NT5C3B: variants seen among roughly 807,000 people sequenced by gnomAD.
The protein encoded by NT5C3B is 7-methylguanosine phosphate-specific 5'-nucleotidase.
Under a neutral mutation model 32.5 loss-of-function variants are expected in NT5C3B, and 28 were observed. That is an observed-to-expected ratio of 0.86 (90% confidence interval 0.64 to 1.18). NT5C3B has a LOEUF of 1.18. NT5C3B is among the 50% of genes most tolerant of loss of function. The pLI is 0.00. For missense variants in NT5C3B, 317 were observed against 322.0 expected (o/e 0.98, Z 0.12); for synonymous variants, 138 against 118.0 (o/e 1.17, Z -1.10).
At position 41,830,809 on chromosome 17, in the gene NT5C3B, T is replaced by G; in HGVS notation, c.396A>C (p.Ala132=). ...CAGAGCAAGACGCTTACCTGAGCAT[T>G]GCATTGGACTCTCTAACCACCTGGG... ...QIAQVVRESN[A]MLREGYKTFF... Residue 132 remains alanine (A), a synonymous_variant, in exon 6 of 9, where the codon GCA becomes GCC. Coordinates refer to ENST00000435506, the MANE Select transcript of NT5C3B (RefSeq NM_052935.5). 3.8e-6 allele frequency: 6 copies of G among 1,599,548 alleles called. No individual in the cohort carries two copies. Among genetic ancestry groups the G allele is most frequent in the Non-Finnish European group, 5.1e-6 (6 of 1,166,840 alleles).
intron 3 of NT5C3B, 22 bp downstream of exon 3, chr17:41,835,181 G>C: frequency 6.2e-7 from 1 of 1,613,688 alleles, no homozygotes. Context: ...AGCTCAACAA[G>C]GGAAGCTAGA....
intron 7 of NT5C3B, among the ~76,000 whole-genome samples, chr17:41,827,910 T>C (rs7215297): frequency 0.76 from 116,173 of 152,194 alleles, 44,610 homozygotes; most frequent in Admixed American, 0.84. Flanking sequence ...CCACAGCCCA[T>C]AAAGCCTAAA....
chr17:41,829,794 G>C (rs1260698192), intron 6 of NT5C3B, among the ~76,000 whole-genome samples: 1 of 152,116 alleles, frequency 6.6e-6, no homozygotes, highest in Non-Finnish European at 1.5e-5. Context: ...CCCTGTGCAT[G>C]TCTTATAGTG....
intron 6 of NT5C3B, among the ~76,000 whole-genome samples, chr17:41,829,638 G>T (rs2048020579): frequency 6.6e-6 from 1 of 152,120 alleles, no homozygotes; most frequent in Admixed American, 6.5e-5. Context: ...TCTATATTTT[G>T]CATGTAATGA....
At chr17:41,832,634 G>GAGGC in intron 4 of NT5C3B, 157 bp from the exon 5 acceptor site, 2 of 500,354 alleles carry the variant, frequency 4.0e-6, no homozygotes, top group East Asian at 7.4e-5. Flanking sequence ...TTAGGAGGCT[G>GAGGC]AGGCAGGTGG....
intron 8 of NT5C3B, 44 bp downstream of exon 8, chr17:41,827,382 G>C: frequency 1.2e-6 from 1 of 834,166 alleles, no homozygotes; most frequent in Non-Finnish European, 2.1e-6. Context: ...GGCATTCAAA[G>C]AGAAGAAAGA....
chr17:41,833,318 A>G (rs1555619302), intron 4 of NT5C3B, among the ~76,000 whole-genome samples: 2 of 150,776 alleles, frequency 1.3e-5, no homozygotes, highest in Middle Eastern at 3.2e-3. Context: ...ATTTTCATGT[A>G]CAATTTTTTT....
intron 8 of NT5C3B, among the ~76,000 whole-genome samples, chr17:41,826,211 A>ATTTCTTTCTTTC (rs58327354): frequency 6.0e-5 from 9 of 150,464 alleles, no homozygotes; most frequent in African/African-American, 2.2e-4. Flanking sequence ...TCTGGACTGA[A>ATTTCTTTCTTTC]TTTCTTTCTT....
intron 8 of NT5C3B, 141 bp from the exon 9 acceptor site, chr17:41,825,798 G>A (rs544380540): frequency 4.0e-6 from 3 of 749,228 alleles, no homozygotes; most frequent in African/African-American, 3.4e-5. Context: ...AGGAGTTCAA[G>A]GTTACCGGGC....
chr17:41,828,756 C>T (rs781923414), intron 7 of NT5C3B, 34 bp downstream of exon 7: 62 of 1,595,176 alleles, frequency 3.9e-5, no homozygotes, highest in Non-Finnish European at 5.1e-5. Context: ...CCCCACCCCT[C>T]GTCCTTTCCC....
chr17:41,825,609 C>T lies in NT5C3B; in HGVS notation c.817G>A (p.Glu273Lys). The T allele has an allele frequency of 1.1e-6, 1 of 872,866 alleles. No individual in the cohort carries two copies. Among genetic ancestry groups the T allele is most frequent in the Non-Finnish European group, 2.0e-6 (1 of 501,690 alleles). The allele number at this position is 872,866 out of a possible 1,614,324, so 54.1% of individuals were successfully genotyped here. The change falls in exon 9 of 9, where the codon GAG becomes AAG. Residue 273 changes from glutamate to lysine, a missense_variant. Transcript: ENST00000435506. ...ACCACATCCAGAGTCTCGTCCTTCT[C>T]CAGCACGATGTCATAGGAGTCCATG... ...RYMDSYDIVL[E>K]KDETLDVVNG... is the part of the protein sequence containing the mutation.
intron 6 of NT5C3B, 126 bp downstream of exon 6, chr17:41,830,675 C>T (rs971303367): frequency 5.8e-6 from 4 of 694,556 alleles, no homozygotes; most frequent in African/African-American, 1.8e-5. Flanking sequence ...ATCAGTTGTT[C>T]ATAGTGCCAT....
intron 6 of NT5C3B, 35 bp downstream of exon 6, chr17:41,830,766 T>C: frequency 1.4e-6 from 2 of 1,405,428 alleles, no homozygotes; most frequent in South Asian, 2.3e-5. Flanking sequence ...TTCTAAATAG[T>C]CTGATAGAAA....
At chr17:41,830,507 T>TGAGAA (rs376680232) in intron 6 of NT5C3B, among the ~76,000 whole-genome samples, 95 of 151,914 alleles carry the variant, frequency 6.3e-4, no homozygotes, top group East Asian at 4.1e-3. Context: ...GATTCTGTCT[T>TGAGAA]GAGAAGAGAA....
intron 6 of NT5C3B, among the ~76,000 whole-genome samples, chr17:41,829,324 C>T (rs1205551812): frequency 6.6e-6 from 1 of 152,176 alleles, no homozygotes; most frequent in Non-Finnish European, 1.5e-5. Flanking sequence ...CGCGCCACTG[C>T]ACTCCAGCCC....
chr17:41,832,317 G>T (rs2048064641), intron 5 of NT5C3B, 75 bp downstream of exon 5: 2 of 1,240,148 alleles, frequency 1.6e-6, no homozygotes, highest in Non-Finnish European at 2.4e-6. Flanking sequence ...CTCATCAAGG[G>T]TCTGGAAAAA....
At chr17:41,830,494 C>A (rs374944129) in intron 6 of NT5C3B, among the ~76,000 whole-genome samples, 1 of 151,824 alleles carries the variant, frequency 6.6e-6, no homozygotes, top group Non-Finnish European at 1.5e-5. Flanking sequence ...GGCGACAGAG[C>A]GAGATTCTGT....
At chr17:41,834,813 C>T (rs72485492) in intron 4 of NT5C3B, among the ~76,000 whole-genome samples, 7,629 of 152,202 alleles carry the variant, frequency 0.05, 231 homozygotes, top group East Asian at 0.11. Flanking sequence ...GCTGAACCTC[C>T]AGAATGTTCA....
chr17:41,827,728 AT>A (rs2047991052), intron 7 of NT5C3B, 102 bp from the exon 8 acceptor site: 1 of 684,474 alleles, frequency 1.5e-6, no homozygotes, highest in Non-Finnish European at 2.7e-6. Flanking sequence ...CCCAAAAGTG[AT>A]AGATAATGCC....
Sources: gnomAD v4.1 joint callset for allele counts (sites outside exome capture counted in the v4.1 genomes callset) on GRCh38, gnomAD v4.1.1 for gene constraint, MANE v1.5 for transcripts, NCBI Gene and HGNC (gene_info 2026-07-23, HGNC 2026-07-21) for gene names.